The following RLF variants were observed in gnomAD, a reference collection of about 807,000 sequenced individuals.
RLF encodes RLF zinc finger.
Under a neutral mutation model 162.9 loss-of-function variants are expected in RLF, and 7 were observed. That is an observed-to-expected ratio of 0.04 (90% CI 0.02 to 0.08). The LOEUF (loss-of-function observed/expected upper bound fraction) is 0.08, where lower values mean the gene tolerates loss of function less well. RLF is among the 10% of genes least tolerant of loss of function. The pLI is 1.00. For synonymous variants in RLF, 782 were observed against 791.5 expected (o/e 0.99, Z 0.20); for missense variants, 1,664 against 2,244.7 (o/e 0.74, Z 5.23).
At chr1:40,223,876 A>G (rs1420841183) in intron 6 of RLF, among the ~76,000 whole-genome samples, 2 of 152,242 alleles carry the variant, frequency 1.3e-5, no homozygotes, top group Non-Finnish European at 2.9e-5. Flanking sequence ...TCTTCTGTAT[A>G]CTTGTTTTCT....
Position 40,195,768 on chromosome 1 carries a change from A to C in RLF, c.607+4A>C, listed in dbSNP as rs1395830455. The C allele has an allele frequency of 6.2e-7, 1 of 1,613,222 alleles. No homozygotes were observed. Among genetic ancestry groups the C allele is most frequent in the Non-Finnish European group, 8.5e-7 (1 of 1,179,604 alleles). On this transcript the variant is annotated splice_donor_region_variant and intron_variant, in intron 4 of 7. Coordinates refer to ENST00000372771, the MANE Select transcript of RLF (RefSeq NM_012421.4). The stretch of plus-strand genomic sequence containing the variant: ...CAGCCAGTAGAAACGGAGGAAGGTA[A>C]GTCTTAAGACTATATTGGATGAGGA...
chr1:40,210,606 T>G (rs1642853325), intron 5 of RLF, among the ~76,000 whole-genome samples: 2 of 152,312 alleles, frequency 1.3e-5, no homozygotes, highest in South Asian at 4.1e-4. Context: ...AGTTAGGAAG[T>G]GACATGTCTG....
chr1:40,173,543 T>C (rs1642276225), intron 1 of RLF, among the ~76,000 whole-genome samples: 1 of 151,214 alleles, frequency 6.6e-6, no homozygotes, highest in African/African-American at 2.4e-5. Flanking sequence ...AGACAGAGCC[T>C]TGCTCTGTTG....
chr1:40,213,956 A>T, intron 5 of RLF, among the ~76,000 whole-genome samples: 1 of 152,210 alleles, frequency 6.6e-6, no homozygotes, highest in Admixed American at 6.5e-5. Context: ...GCTGCCTCTT[A>T]TGCCTGTTAT....
chr1:40,194,847 T>TTTAG (rs1642608883), intron 3 of RLF, among the ~76,000 whole-genome samples: 1 of 138,752 alleles, frequency 7.2e-6, no homozygotes, highest in African/African-American at 2.6e-5. Flanking sequence ...TATTTATTTA[T>TTTAG]TTATGAGACG....
chr1:40,180,150 G>T (rs1298651443), intron 1 of RLF, among the ~76,000 whole-genome samples: 3 of 152,004 alleles, frequency 2.0e-5, no homozygotes, highest in Non-Finnish European at 2.9e-5. Flanking sequence ...ATTTTTGGAG[G>T]AACCACCATA....
Position 40,240,549 on chromosome 1 carries a change from G to C in RLF, c.*102G>C, listed in dbSNP as rs549228607. 3.9e-5 allele frequency: 31 copies of C among 790,542 alleles called. No homozygotes were observed. The highest frequency in any genetic ancestry group is 5.6e-5 in the Non-Finnish European group (27 of 479,014). The allele number at this position is 790,542 out of a possible 1,614,324, so 49.0% of individuals were successfully genotyped here. On this transcript the variant is annotated 3_prime_UTR_variant, in exon 8 of 8. Coordinates refer to ENST00000372771, the MANE Select transcript of RLF (RefSeq NM_012421.4). ...AGAAGCAGCCACACCGTTGTTTAGG[G>C]TAGAATAGGCTGTGTATTTACATGA...
At chr1:40,209,340 C>T (rs754027631) in intron 5 of RLF, among the ~76,000 whole-genome samples, 2 of 152,114 alleles carry the variant, frequency 1.3e-5, no homozygotes, top group African/African-American at 4.8e-5. Context: ...CAGTAGTAGC[C>T]GTCTCACAAA....
chr1:40,197,414 A>G (rs144487497), intron 4 of RLF, among the ~76,000 whole-genome samples: 134 of 152,318 alleles, frequency 8.8e-4, no homozygotes, highest in African/African-American at 3.2e-3. Context: ...AGAATTGGGC[A>G]GATCCTATCC....
Position 40,239,093 on chromosome 1 carries a change from A to G in RLF, c.4391A>G (p.His1464Arg). The G allele has an allele frequency of 1.2e-6, 2 of 1,614,162 alleles. No individual in the cohort carries two copies. Among genetic ancestry groups the G allele is most frequent in the South Asian group, 2.2e-5 (2 of 91,092 alleles). The change falls in exon 8 of 8, where the codon CAT becomes CGT. Residue 1464 changes from histidine to arginine, a missense_variant. Coordinates refer to ENST00000372771, the MANE Select transcript of RLF (RefSeq NM_012421.4). ...ACCCATCGCAGTAATTACTCACAACATGTATATTACCGACATAAAGACTAT... is the reference window on the plus strand; with the variant it reads ...ACCCATCGCAGTAATTACTCACAACGTGTATATTACCGACATAAAGACTAT... Reference protein sequence around the residue: ...IFTHRSNYSQHVYYRHKDYYD... With the variant: ...IFTHRSNYSQRVYYRHKDYYD...
At chr1:40,207,061 A>G (rs1424595699) in intron 5 of RLF, among the ~76,000 whole-genome samples, 2 of 152,174 alleles carry the variant, frequency 1.3e-5, no homozygotes, top group East Asian at 1.9e-4. Flanking sequence ...CATAGTACAC[A>G]TTACTGCTTC....
intron 5 of RLF, among the ~76,000 whole-genome samples, chr1:40,214,918 C>CAAAAAAAAAAAAAA (rs34756935): frequency 1.4e-4 from 2 of 14,394 alleles, no homozygotes; most frequent in East Asian, 2.8e-3. Flanking sequence ...GAGCCTGTCT[C>CAAAAAAAAAAAAAA]AAAAAAAAAA....
chr1:40,207,876 G>T (rs1024364361), intron 5 of RLF, among the ~76,000 whole-genome samples: 1 of 152,192 alleles, frequency 6.6e-6, no homozygotes, highest in Non-Finnish European at 1.5e-5. Context: ...CTCCCAAAGT[G>T]CTGGGATTAT....
In RLF at chr1:40,218,490, G is replaced by T. The variant is rs569078302; in HGVS notation, c.811-4084G>T. ...TTTAATTTAACCTTTCATTCACTGAGTGTCAGCTACGTGACATCACGCATT... is the reference window on the plus strand; with the variant it reads ...TTTAATTTAACCTTTCATTCACTGATTGTCAGCTACGTGACATCACGCATT... On this transcript the variant is annotated intron_variant, in intron 5 of 7. Coordinates refer to ENST00000372771, the MANE Select transcript of RLF (RefSeq NM_012421.4). Among the ~76,000 whole-genome samples, 158 of 152,274 alleles carry T rather than the reference G, an allele frequency of 1.0e-3. No homozygotes were observed. In the South Asian group the frequency reaches 0.019, roughly 18 times the overall value.
chr1:40,234,214 T>C (rs1030035024), intron 7 of RLF, among the ~76,000 whole-genome samples: 2 of 152,208 alleles, frequency 1.3e-5, no homozygotes, highest in Non-Finnish European at 2.9e-5. Context: ...CCTCCCAAAG[T>C]GCTGGGATTA....
At chr1:40,221,390 A>G (rs966877679) in intron 5 of RLF, among the ~76,000 whole-genome samples, 4 of 152,158 alleles carry the variant, frequency 2.6e-5, no homozygotes, top group African/African-American at 9.7e-5. Flanking sequence ...AAGTGCTACA[A>G]AGGAGAAATT....
At chr1:40,185,151 T>C (rs534299911) in intron 1 of RLF, among the ~76,000 whole-genome samples, 1 of 151,812 alleles carries the variant, frequency 6.6e-6, no homozygotes, top group Non-Finnish European at 1.5e-5. Flanking sequence ...CTGAGGTGGG[T>C]GGGAGAGAGG....
intron 5 of RLF, among the ~76,000 whole-genome samples, chr1:40,211,879 C>T (rs1178224625): frequency 3.3e-5 from 5 of 152,180 alleles, no homozygotes; most frequent in African/African-American, 9.7e-5. Context: ...CCGCCCGCCT[C>T]GGCCTCCCAA....
chr1:40,222,538 AT>A, intron 5 of RLF, 35 bp from the exon 6 acceptor site: 1 of 1,599,730 alleles, frequency 6.3e-7, no homozygotes, highest in Non-Finnish European at 8.5e-7. Context: ...AAAAGTCACC[AT>A]TTTCTTTTTG....
Sources: gnomAD v4.1 joint callset for allele counts (sites outside exome capture counted in the v4.1 genomes callset) on GRCh38, gnomAD v4.1.1 for gene constraint, MANE v1.5 for transcripts, NCBI Gene and HGNC (gene_info 2026-07-23, HGNC 2026-07-21) for gene names.